AGBL4: variants seen among roughly 807,000 people sequenced by gnomAD.
The protein encoded by AGBL4 is AGBL carboxypeptidase 4.
In AGBL4, 58 loss-of-function variants were observed where a neutral mutation model predicts 66.4. That is an observed-to-expected ratio of 0.87 (90% CI 0.71 to 1.09). The LOEUF (loss-of-function observed/expected upper bound fraction) is 1.09, where lower values mean the gene tolerates loss of function less well. Ranked by LOEUF, AGBL4 falls within the 50% of genes least tolerant of loss-of-function variation. AGBL4 has a pLI of 0.00. For synonymous variants in AGBL4, 234 were observed against 222.9 expected (o/e 1.05, Z -0.44); for missense variants, 579 against 631.0 (o/e 0.92, Z 0.88).
intron 6 of AGBL4, among the ~76,000 whole-genome samples, chr1:48,849,847 C>G (rs1245241335): frequency 6.6e-6 from 1 of 152,126 alleles, no homozygotes; most frequent in African/African-American, 2.4e-5. Flanking sequence ...GTGGCATGTG[C>G]CTGTAGTCCC....
At chr1:49,918,713 G>A (rs1360289485) in intron 1 of AGBL4, among the ~76,000 whole-genome samples, 3 of 152,202 alleles carry the variant, frequency 2.0e-5, no homozygotes, top group Non-Finnish European at 4.4e-5. Flanking sequence ...AGAAAAAGAG[G>A]GAATACTCCC....
chr1:48,561,848 CT>C (rs1644401649), intron 11 of AGBL4, among the ~76,000 whole-genome samples: 1 of 152,204 alleles, frequency 6.6e-6, no homozygotes, highest in Non-Finnish European at 1.5e-5. Context: ...GACATATCAG[CT>C]CTCCTGGGAC....
chr1:48,898,384 CCA>C (rs1246782959), intron 5 of AGBL4, among the ~76,000 whole-genome samples: 2 of 152,024 alleles, frequency 1.3e-5, no homozygotes, highest in Non-Finnish European at 2.9e-5. Flanking sequence ...TTTGCCCAGA[CCA>C]AGGTCCTGGA....
intron 3 of AGBL4, among the ~76,000 whole-genome samples, chr1:49,575,179 T>C (rs1217749555): frequency 6.6e-6 from 1 of 152,204 alleles, no homozygotes; most frequent in African/African-American, 2.4e-5. Context: ...TGAGCTGATG[T>C]TGATTCTAGG....
chr1:48,960,550 T>C lies in AGBL4; in HGVS notation c.594+85034A>G, dbSNP rs112279922. Among the ~76,000 whole-genome samples the C allele has an allele frequency of 4.4e-4, 67 of 152,264 alleles. 1 individual carries two copies. The highest frequency in any genetic ancestry group is 1.5e-3 in the African/African-American group (63 of 41,564). The stretch of plus-strand genomic sequence containing the variant: ...AGAGACCAAAGAACAAGCTCTGGTG[T>C]ATTTCAAAATCTAGAGATCAAGGGA... On this transcript the variant is annotated intron_variant, in intron 5 of 13. Coordinates refer to ENST00000371839, the MANE Select transcript of AGBL4 (RefSeq NM_032785.4).
At chr1:48,976,676 C>T (rs1659361804) in intron 5 of AGBL4, among the ~76,000 whole-genome samples, 1 of 152,234 alleles carries the variant, frequency 6.6e-6, no homozygotes, top group Admixed American at 6.6e-5. Context: ...CTTATCCTTG[C>T]AGTTCCTAGA....
At chr1:48,782,157 C>G (rs1257114253) in intron 6 of AGBL4, among the ~76,000 whole-genome samples, 2 of 152,206 alleles carry the variant, frequency 1.3e-5, no homozygotes, top group South Asian at 2.1e-4. Context: ...TCTGGGGAGA[C>G]AGAGGCCTGC....
intron 5 of AGBL4, among the ~76,000 whole-genome samples, chr1:48,928,291 G>A (rs1226470601): frequency 1.3e-5 from 2 of 152,076 alleles, no homozygotes; most frequent in African/African-American, 4.8e-5. Context: ...CACTTACAGG[G>A]GTTTGAACTC....
At chr1:49,139,466 G>A (rs370977069) in intron 4 of AGBL4, among the ~76,000 whole-genome samples, 1 of 151,930 alleles carries the variant, frequency 6.6e-6, no homozygotes, top group Non-Finnish European at 1.5e-5. Context: ...AAAGTTCCTC[G>A]GCCAGTCCTG....
chr1:49,781,481 A>G (rs901668773), intron 2 of AGBL4, among the ~76,000 whole-genome samples: 3 of 152,148 alleles, frequency 2.0e-5, no homozygotes, highest in Non-Finnish European at 4.4e-5. Context: ...TTACAAGAGA[A>G]CTCCAAAATA....
intron 3 of AGBL4, among the ~76,000 whole-genome samples, chr1:49,620,400 T>C (rs1645336222): frequency 6.6e-6 from 1 of 152,004 alleles, no homozygotes. Flanking sequence ...CAGAAATACA[T>C]ATCAAAAGCA....
intron 3 of AGBL4, among the ~76,000 whole-genome samples, chr1:49,260,314 G>A (rs1228690353): frequency 6.7e-6 from 1 of 150,344 alleles, no homozygotes. Context: ...AATCAGAGCA[G>A]AACTGAAGGA....
At chr1:49,679,445 T>C (rs1304192761) in intron 3 of AGBL4, among the ~76,000 whole-genome samples, 1 of 152,122 alleles carries the variant, frequency 6.6e-6, no homozygotes, top group Non-Finnish European at 1.5e-5. Context: ...TCTATCTATA[T>C]AATAACATTT....
At chr1:48,995,468 T>C (rs1347075633) in intron 5 of AGBL4, among the ~76,000 whole-genome samples, 1 of 152,228 alleles carries the variant, frequency 6.6e-6, no homozygotes, top group Non-Finnish European at 1.5e-5. Context: ...AACAAATGCC[T>C]TGCCCCAAAG....
At chr1:49,815,637 T>A (rs1038342651) in intron 2 of AGBL4, among the ~76,000 whole-genome samples, 15 of 152,140 alleles carry the variant, frequency 9.9e-5, no homozygotes, top group Non-Finnish European at 1.9e-4. Context: ...ATCAACAGTA[T>A]ATGAGGGGGT....
At chr1:49,908,539 T>A (rs1046944483) in intron 1 of AGBL4, among the ~76,000 whole-genome samples, 15 of 152,178 alleles carry the variant, frequency 9.9e-5, no homozygotes, top group African/African-American at 3.6e-4. Context: ...ATGCCAACAT[T>A]ACACTTCCTG....
At chr1:49,608,637 T>C (rs1346091591) in intron 3 of AGBL4, among the ~76,000 whole-genome samples, 1 of 152,150 alleles carries the variant, frequency 6.6e-6, no homozygotes, top group African/African-American at 2.4e-5. Context: ...TTCTTCATAT[T>C]TGGCATTTAT....
chr1:48,660,928 T>C (rs774559996), intron 7 of AGBL4, among the ~76,000 whole-genome samples: 3 of 152,140 alleles, frequency 2.0e-5, no homozygotes, highest in East Asian at 1.9e-4. Flanking sequence ...GGGAGTTAGC[T>C]AGACCTAGGT....
At chr1:49,715,578 C>A (rs949510428) in intron 2 of AGBL4, among the ~76,000 whole-genome samples, 3 of 152,192 alleles carry the variant, frequency 2.0e-5, no homozygotes, top group Non-Finnish European at 4.4e-5. Flanking sequence ...TACACTCCCA[C>A]CAACAGTGTA....
Sources: gnomAD v4.1 joint callset for allele counts (sites outside exome capture counted in the v4.1 genomes callset) on GRCh38, gnomAD v4.1.1 for gene constraint, MANE v1.5 for transcripts, NCBI Gene and HGNC (gene_info 2026-07-23, HGNC 2026-07-21) for gene names.